Variants in FHIT observed in about 807,000 individuals in gnomAD.
FHIT encodes fragile histidine triad diadenosine triphosphatase.
A neutral mutation model predicts 17.9 loss-of-function variants in FHIT; 19 were observed. The ratio of observed to expected loss-of-function variants is 1.06; its 90% CI spans 0.74 to 1.56. The LOEUF (loss-of-function observed/expected upper bound fraction) is 1.56, where lower values mean the gene tolerates loss of function less well. FHIT is among the 40% of genes most tolerant of loss of function. The pLI is 0.00. For missense variants in FHIT, 248 were observed against 189.2 expected (o/e 1.31, Z -1.82); for synonymous variants, 81 against 69.7 (o/e 1.16, Z -0.81).
At chr3:60,508,362 CTTAAT>C (rs781695768) in intron 5 of FHIT, among the ~76,000 whole-genome samples, 55 of 152,282 alleles carry the variant, frequency 3.6e-4, no homozygotes, top group Non-Finnish European at 6.9e-4. Context: ...ATGAATTTGA[CTTAAT>C]TTATCAATTA....
At chr3:60,634,508 T>G (rs2039528769) in intron 4 of FHIT, among the ~76,000 whole-genome samples, 1 of 152,272 alleles carries the variant, frequency 6.6e-6, no homozygotes, top group East Asian at 1.9e-4. Context: ...ATATAAAAAC[T>G]TTCATTACAG....
intron 2 of FHIT, among the ~76,000 whole-genome samples, chr3:61,095,278 T>C (rs760024674): frequency 2.6e-5 from 4 of 152,182 alleles, no homozygotes; most frequent in Non-Finnish European, 5.9e-5. Context: ...CAAAACCTCT[T>C]TTTATACAAG....
At chr3:60,139,701 A>G (rs1699956611) in intron 5 of FHIT, among the ~76,000 whole-genome samples, 1 of 152,174 alleles carries the variant, frequency 6.6e-6, no homozygotes, top group African/African-American at 2.4e-5. Context: ...TGCCTGGCCC[A>G]TAAACGAAAG....
Position 60,853,865 on chromosome 3 carries a change from A to T in FHIT, c.-110-31854T>A, listed in dbSNP as rs528151059. Among the ~76,000 whole-genome samples, 5 of 152,254 alleles carry T rather than the reference A, an allele frequency of 3.3e-5. No homozygotes were observed. The South Asian group carries it at 1.0e-3, about 32-fold the overall frequency. The stretch of plus-strand genomic sequence containing the variant: ...CAATGTATTTAAATGTTCCACATAC[A>T]CAAAAACACCTGATTTTTCCCAAGA... On this transcript the variant is annotated intron_variant, in intron 3 of 9. Transcript: ENST00000492590.
intron 5 of FHIT, among the ~76,000 whole-genome samples, chr3:60,352,052 T>C (rs942131647): frequency 1.3e-5 from 2 of 152,218 alleles, no homozygotes; most frequent in Admixed American, 6.5e-5. Flanking sequence ...GAGTAATTAA[T>C]TGCTACTTAA....
intron 8 of FHIT, among the ~76,000 whole-genome samples, chr3:59,890,424 G>A (rs764575424): frequency 1.8e-4 from 27 of 152,074 alleles, no homozygotes; most frequent in Non-Finnish European, 3.7e-4. Flanking sequence ...TGAAACTTCT[G>A]GTTCCTGCCT....
chr3:60,396,661 A>C (rs1319600595), intron 5 of FHIT, among the ~76,000 whole-genome samples: 3 of 152,152 alleles, frequency 2.0e-5, no homozygotes, highest in African/African-American at 7.2e-5. Flanking sequence ...GAATGAGGAG[A>C]AACTGCTTAA....
intron 5 of FHIT, among the ~76,000 whole-genome samples, chr3:60,197,750 T>C (rs1391817905): frequency 6.6e-6 from 1 of 152,186 alleles, no homozygotes; most frequent in African/African-American, 2.4e-5. Flanking sequence ...AAAACCTTTG[T>C]ACATTTCTCT....
chr3:60,581,243 G>C (rs28430306), intron 4 of FHIT, among the ~76,000 whole-genome samples: 17,037 of 152,130 alleles, frequency 0.11, 1,145 homozygotes, highest in Middle Eastern at 0.19. Flanking sequence ...AAGGTAGTTA[G>C]AAGTTTTCAG....
In FHIT at chr3:59,922,488, A is replaced by C. The variant is rs142515781; in HGVS notation, c.280-74T>G. The stretch of plus-strand genomic sequence containing the variant: ...TTTTAGACTTGACAGTGATGCTCTC[A>C]TGAAGCCCAATTACTCCACGATGGT... On this transcript the variant is annotated intron_variant, in intron 7 of 9. Coordinates refer to ENST00000492590, the MANE Select transcript of FHIT (RefSeq NM_002012.4). 6 of 1,226,382 alleles carry C rather than the reference A, an allele frequency of 4.9e-6. No homozygotes were observed. The East Asian group carries it at 1.4e-4, about 29-fold the overall frequency. 76.0% of individuals were successfully genotyped at this position (1,226,382 alleles called of 1,614,324 possible).
chr3:61,204,054 C>T (rs572813166), intron 1 of FHIT, among the ~76,000 whole-genome samples: 4 of 152,122 alleles, frequency 2.6e-5, no homozygotes, highest in Non-Finnish European at 5.9e-5. Context: ...AACATAGATA[C>T]CTCTCAAAAT....
chr3:60,726,470 A>C (rs1488186763), intron 4 of FHIT, among the ~76,000 whole-genome samples: 3 of 152,202 alleles, frequency 2.0e-5, no homozygotes, highest in Non-Finnish European at 2.9e-5. Flanking sequence ...ACTATAGAGC[A>C]ACTTGATCTT....
intron 4 of FHIT, among the ~76,000 whole-genome samples, chr3:60,712,485 C>T (rs12497528): frequency 0.95 from 144,074 of 150,948 alleles, 68,880 homozygotes; most frequent in East Asian, 1. Context: ...GACTGGCAAA[C>T]TGGATAAAGA....
chr3:60,461,162 A>T (rs2032438100), intron 5 of FHIT, among the ~76,000 whole-genome samples: 1 of 152,206 alleles, frequency 6.6e-6, no homozygotes, highest in African/African-American at 2.4e-5. Flanking sequence ...CTAATTCTGT[A>T]AGTGCCAAAA....
At chr3:60,078,546 A>G (rs554602177) in intron 5 of FHIT, among the ~76,000 whole-genome samples, 1 of 152,262 alleles carries the variant, frequency 6.6e-6, no homozygotes, top group East Asian at 1.9e-4. Context: ...ACTAAACACA[A>G]TGTGTGATCC....
At chr3:60,174,458 A>T (rs188194895) in intron 5 of FHIT, among the ~76,000 whole-genome samples, 1 of 152,126 alleles carries the variant, frequency 6.6e-6, no homozygotes, top group African/African-American at 2.4e-5. Context: ...TATGCATCTT[A>T]TATTTCCCTG....
intron 3 of FHIT, among the ~76,000 whole-genome samples, chr3:60,888,736 T>C (rs6787793): frequency 0.27 from 41,722 of 151,916 alleles, 6,898 homozygotes; most frequent in African/African-American, 0.46. Context: ...ACAATGGTTT[T>C]GTTTGGAACA....
intron 8 of FHIT, among the ~76,000 whole-genome samples, chr3:59,850,369 C>T (rs1459749095): frequency 2.0e-5 from 3 of 152,126 alleles, no homozygotes; most frequent in Non-Finnish European, 4.4e-5. Context: ...GGGCCCAAAG[C>T]TTTGGGTATA....
intron 3 of FHIT, among the ~76,000 whole-genome samples, chr3:60,838,507 A>G (rs1702612587): frequency 6.6e-6 from 1 of 152,196 alleles, no homozygotes; most frequent in East Asian, 1.9e-4. Flanking sequence ...CAAACAAACA[A>G]AAAACACAAA....
Sources: allele counts gnomAD v4.1 joint callset (sites outside exome capture counted in the v4.1 genomes callset), GRCh38; gene constraint gnomAD v4.1.1; transcripts MANE v1.5; gene names NCBI Gene and HGNC (gene_info 2026-07-23, HGNC 2026-07-21).